LRCH1: variants seen among roughly 807,000 people sequenced by gnomAD.
LRCH1 encodes leucine-rich repeat and calponin homology domain-containing protein 1.
A neutral mutation model predicts 94.9 loss-of-function variants in LRCH1; 23 were observed. That is an observed-to-expected ratio of 0.24 (90% CI 0.17 to 0.34). The LOEUF is 0.34. Among genes scored for constraint, LRCH1 ranks in the 10% least tolerant of loss-of-function variants. The pLI, the probability that LRCH1 is intolerant of heterozygous loss-of-function variation, is 1.00. For missense variants in LRCH1, 790 were observed against 945.9 expected, an observed-to-expected ratio of 0.84 and a Z score of 2.16; for synonymous variants, 364 against 354.9, an observed-to-expected ratio of 1.03 and a Z score of -0.29.
At chr13:46,688,833 A>G (rs1175524203) in intron 6 of LRCH1, among the ~76,000 whole-genome samples, 1 of 152,214 alleles carries the variant, frequency 6.6e-6, no homozygotes, top group Non-Finnish European at 1.5e-5. Context: ...GAACATTGGT[A>G]ACTATTTTTA....
At chr13:46,675,126 A>G (rs191274988) in intron 3 of LRCH1, among the ~76,000 whole-genome samples, 25 of 152,368 alleles carry the variant, frequency 1.6e-4, no homozygotes, top group African/African-American at 5.8e-4. Flanking sequence ...AACCTTGTTA[A>G]CATATTGGAA....
chr13:46,681,936 TTGTGTG>T (rs71077914), intron 4 of LRCH1, 90 bp downstream of exon 4: 12 of 524,544 alleles, frequency 2.3e-5, no homozygotes, highest in Admixed American at 6.2e-5. Context: ...GGGTCGATCT[TTGTGTG>T]TGTGTGTGTG....
At chr13:46,726,024 T>C (rs1872798343) in intron 17 of LRCH1, among the ~76,000 whole-genome samples, 1 of 152,258 alleles carries the variant, frequency 6.6e-6, no homozygotes, top group Admixed American at 6.5e-5. Context: ...GAAAGAAATT[T>C]ATATAACACT....
At chr13:46,693,340 A>G (rs564178957) in intron 8 of LRCH1, among the ~76,000 whole-genome samples, 62 of 152,300 alleles carry the variant, frequency 4.1e-4, no homozygotes, top group African/African-American at 1.2e-3. Flanking sequence ...CCATGACTCC[A>G]TCATCTTTAA....
intron 18 of LRCH1, chr13:46,750,498 A>G (rs753132089): frequency 6.7e-6 from 9 of 1,340,390 alleles, no homozygotes; most frequent in East Asian, 2.5e-5. Flanking sequence ...CAATGAGAGT[A>G]CAATCATCTA....
chr13:46,636,711 G>C (rs1003021028), intron 1 of LRCH1, among the ~76,000 whole-genome samples: 1 of 152,164 alleles, frequency 6.6e-6, no homozygotes, highest in Non-Finnish European at 1.5e-5. Context: ...ATTTGGCCCG[G>C]CAGCAGCTAT....
At chr13:46,635,210 G>A (rs947042053) in intron 1 of LRCH1, among the ~76,000 whole-genome samples, 3 of 152,232 alleles carry the variant, frequency 2.0e-5, no homozygotes, top group African/African-American at 4.8e-5. Context: ...TCACACCGCC[G>A]TGCTCTTCTG....
intron 1 of LRCH1, among the ~76,000 whole-genome samples, chr13:46,646,977 G>A (rs2051228580): frequency 6.6e-6 from 1 of 152,016 alleles, no homozygotes; most frequent in Admixed American, 6.5e-5. Context: ...GCTGGACGTG[G>A]TGGTGCATGC....
intron 1 of LRCH1, among the ~76,000 whole-genome samples, chr13:46,620,445 T>C (rs1198707328): frequency 1.3e-5 from 2 of 152,196 alleles, no homozygotes; most frequent in Non-Finnish European, 2.9e-5. Context: ...CCATGGTATG[T>C]GCCTTTATAT....
intron 1 of LRCH1, among the ~76,000 whole-genome samples, chr13:46,556,645 T>G (rs1365797466): frequency 6.6e-6 from 1 of 152,152 alleles, no homozygotes; most frequent in Non-Finnish European, 1.5e-5. Flanking sequence ...ATGGGAAGAC[T>G]GAGACAGAGA....
intron 1 of LRCH1, among the ~76,000 whole-genome samples, chr13:46,639,100 T>C (rs1343889232): frequency 6.6e-6 from 1 of 152,210 alleles, no homozygotes; most frequent in African/African-American, 2.4e-5. Flanking sequence ...GCAAAGAACA[T>C]TTCTTTTATG....
At chr13:46,554,487 A>G (rs1288478498) in intron 1 of LRCH1, among the ~76,000 whole-genome samples, 1 of 152,190 alleles carries the variant, frequency 6.6e-6, no homozygotes, top group Non-Finnish European at 1.5e-5. Flanking sequence ...CGGGGGCCCC[A>G]GGAAAGGACG....
Position 46,656,501 on chromosome 13 carries a change from G to A in LRCH1, c.452+6156G>A, listed in dbSNP as rs147370850. On this transcript the variant is annotated intron_variant, in intron 2 of 19. Transcript: ENST00000389797. ...TGTGTATATTAATGTATATATTTTCGAGCTGGTCTTTGGTAGCCAGGTTTT... is the reference window on the plus strand; with the variant it reads ...TGTGTATATTAATGTATATATTTTCAAGCTGGTCTTTGGTAGCCAGGTTTT... 1.7e-4 allele frequency among the ~76,000 whole-genome samples: 26 copies of A among 152,284 alleles called. No individual in the cohort carries two copies. In the East Asian group the frequency reaches 4.4e-3, roughly 26 times the overall value.
chr13:46,674,036 C>T (rs1039954577), intron 3 of LRCH1, among the ~76,000 whole-genome samples: 2 of 152,196 alleles, frequency 1.3e-5, no homozygotes, highest in African/African-American at 4.8e-5. Flanking sequence ...CCCACCTTGG[C>T]CTCCCAAAGT....
At chr13:46,586,374 C>G (rs2050435430) in intron 1 of LRCH1, among the ~76,000 whole-genome samples, 1 of 152,156 alleles carries the variant, frequency 6.6e-6, no homozygotes, top group African/African-American at 2.4e-5. Context: ...ACAGCCATAG[C>G]AAGGCTGAGG....
chr13:46,735,809 T>C (rs58267565), intron 19 of LRCH1, among the ~76,000 whole-genome samples: 18,566 of 137,378 alleles, frequency 0.14, 1,469 homozygotes, highest in African/African-American at 0.2. Flanking sequence ...TTTTTTTTTT[T>C]CGAGATGGAG....
chr13:46,573,986 C>T (rs1193574106), intron 1 of LRCH1, among the ~76,000 whole-genome samples: 1 of 149,974 alleles, frequency 6.7e-6, no homozygotes, highest in Non-Finnish European at 1.5e-5. Context: ...GCTGGGATTA[C>T]AGGCACACAC....
intron 15 of LRCH1, among the ~76,000 whole-genome samples, chr13:46,713,917 G>A (rs765987706): frequency 1.3e-5 from 2 of 152,216 alleles, no homozygotes; most frequent in African/African-American, 2.4e-5. Context: ...GTTTTACACA[G>A]TTTAAAAGCA....
chr13:46,703,461 T>C (rs1871592211), intron 11 of LRCH1, among the ~76,000 whole-genome samples: 1 of 152,130 alleles, frequency 6.6e-6, no homozygotes, highest in African/African-American at 2.4e-5. Flanking sequence ...GCAAAACCAT[T>C]CTAGAAGTAA....
Sources: gnomAD v4.1 joint callset for allele counts (sites outside exome capture counted in the v4.1 genomes callset) on GRCh38, gnomAD v4.1.1 for gene constraint, MANE v1.5 for transcripts, NCBI Gene and HGNC (gene_info 2026-07-23, HGNC 2026-07-21) for gene names.